The following ST18 variants were observed in gnomAD, a reference collection of about 807,000 sequenced individuals.
The protein encoded by ST18 is suppression of tumorigenicity 18 protein.
A neutral mutation model predicts 110.0 loss-of-function variants in ST18; 50 were observed. That is an observed-to-expected ratio of 0.45 (90% confidence interval 0.36 to 0.58). The LOEUF is 0.58. ST18 is among the 20% of genes least tolerant of loss of function. The pLI is 0.00. For synonymous variants in ST18, 461 were observed against 452.4 expected (o/e 1.02, Z -0.24); for missense variants, 1,306 against 1,280.1 (o/e 1.02, Z -0.31).
chr8:52,219,838 T>C (rs1442099513), intron 5 of ST18, among the ~76,000 whole-genome samples: 4 of 152,214 alleles, frequency 2.6e-5, no homozygotes, highest in African/African-American at 9.6e-5. Flanking sequence ...AGGTGAATGG[T>C]TGGTTTTGAT....
At chr8:52,233,642 A>G (rs555299515) in intron 2 of ST18, among the ~76,000 whole-genome samples, 1 of 152,166 alleles carries the variant, frequency 6.6e-6, no homozygotes, top group African/African-American at 2.4e-5. Context: ...CCCACGACCA[A>G]TGAGAGGTCC....
At chr8:52,324,281 G>A (rs1805278702) in intron 2 of ST18, among the ~76,000 whole-genome samples, 1 of 152,012 alleles carries the variant, frequency 6.6e-6, no homozygotes, top group Admixed American at 6.6e-5. Flanking sequence ...CTCACTAGCA[G>A]TCAATTACAG....
chr8:52,212,027 A>C (rs2082335689), intron 8 of ST18, 52 bp downstream of exon 8: 1 of 1,559,386 alleles, frequency 6.4e-7, no homozygotes, highest in African/African-American at 1.4e-5. Flanking sequence ...AAATCATTCG[A>C]ATAATCAAGG....
At chr8:52,182,067 A>T (rs753676932) in intron 8 of ST18, among the ~76,000 whole-genome samples, 1 of 152,150 alleles carries the variant, frequency 6.6e-6, no homozygotes, top group Non-Finnish European at 1.5e-5. Context: ...TAAAACTAAG[A>T]TCATTAAGCC....
At chr8:52,222,744 C>A (rs1160873132) in intron 3 of ST18, among the ~76,000 whole-genome samples, 1 of 151,988 alleles carries the variant, frequency 6.6e-6, no homozygotes, top group African/African-American at 2.4e-5. Context: ...AAGGAGATAC[C>A]TTTAAAAAAC....
At chr8:52,236,725 G>A (rs1011538180) in intron 2 of ST18, among the ~76,000 whole-genome samples, 10 of 152,224 alleles carry the variant, frequency 6.6e-5, no homozygotes, top group South Asian at 2.1e-4. Flanking sequence ...CAATGATAGC[G>A]TGGTCTCTTA....
At chr8:52,128,863 G>A (rs1490986918) in intron 22 of ST18, among the ~76,000 whole-genome samples, 1 of 152,116 alleles carries the variant, frequency 6.6e-6, no homozygotes, top group Non-Finnish European at 1.5e-5. Context: ...GTTTTGCAAA[G>A]TTTTAAAGGA....
chr8:52,143,463 G>A (rs866327938), intron 16 of ST18, among the ~76,000 whole-genome samples: 5 of 151,092 alleles, frequency 3.3e-5, no homozygotes, highest in African/African-American at 1.2e-4. Flanking sequence ...CCAGCCTGGC[G>A]ACAGAGCAAG....
intron 8 of ST18, among the ~76,000 whole-genome samples, chr8:52,186,136 A>G (rs187724221): frequency 6.6e-6 from 1 of 152,200 alleles, no homozygotes. Context: ...AAGAGAGAAG[A>G]AGCAAGCCAA....
rs76689619 is a variant in ST18, at chr8:52,328,105, C to T, written c.-465+81223G>A. On this transcript the variant is annotated intron_variant, in intron 2 of 25. Transcript: ENST00000689386. ...GCCTTAGCAGAGTGAGAGAATAGCC[C>T]CAGGAAAGAGAGCTATCTCTGAGTA... 3.9e-3 allele frequency among the ~76,000 whole-genome samples: 589 copies of T among 152,184 alleles called. 3 individuals carry two copies. The highest frequency in any genetic ancestry group is 0.014 in the African/African-American group (562 of 41,534).
chr8:52,140,719 T>C (rs767654665), intron 17 of ST18, among the ~76,000 whole-genome samples: 13 of 152,090 alleles, frequency 8.5e-5, no homozygotes, highest in South Asian at 2.1e-4. Flanking sequence ...CCTCATACCA[T>C]GGAGAAGTGC....
intron 2 of ST18, among the ~76,000 whole-genome samples, chr8:52,275,236 G>A (rs577761080): frequency 5.4e-4 from 82 of 152,212 alleles, no homozygotes; most frequent in African/African-American, 1.9e-3. Context: ...CAGAAATAGG[G>A]AAACTACGTG....
chr8:52,372,606 T>C (rs574462402), intron 2 of ST18, among the ~76,000 whole-genome samples: 41 of 152,328 alleles, frequency 2.7e-4, no homozygotes, highest in Admixed American at 2.5e-3. Flanking sequence ...TAGAGTGTAT[T>C]TTTACAGCAC....
At chr8:52,151,827 T>G (rs908323710) in intron 15 of ST18, among the ~76,000 whole-genome samples, 23 of 152,164 alleles carry the variant, frequency 1.5e-4, no homozygotes, top group African/African-American at 5.3e-4. Context: ...AACATTCACA[T>G]AAAATTCCAG....
Position 52,262,908 on chromosome 8 carries a change from G to T in ST18, c.-464-32831C>A, listed in dbSNP as rs188460022. Among the ~76,000 whole-genome samples the T allele has an allele frequency of 8.5e-5, 13 of 152,278 alleles. No individual in the cohort carries two copies. In the East Asian group the frequency reaches 2.3e-3, roughly 27 times the overall value. Reference sequence around the variant, plus strand: ...CATCATTTGCAAGGCATAAGTGACTGTCTCCCAGAAAACTCTTATCAAAAG... The same window carrying T: ...CATCATTTGCAAGGCATAAGTGACTTTCTCCCAGAAAACTCTTATCAAAAG... On this transcript the variant is annotated intron_variant, in intron 2 of 25. Coordinates refer to ENST00000689386, the MANE Select transcript of ST18 (RefSeq NM_001352837.2).
intron 2 of ST18, among the ~76,000 whole-genome samples, chr8:52,243,613 T>C (rs947402365): frequency 3.3e-5 from 5 of 152,100 alleles, no homozygotes; most frequent in African/African-American, 4.8e-5. Context: ...TTTGTAAAAA[T>C]AGGATACAAA....
intron 2 of ST18, among the ~76,000 whole-genome samples, chr8:52,337,793 C>T (rs974458741): frequency 6.6e-6 from 1 of 152,182 alleles, no homozygotes; most frequent in African/African-American, 2.4e-5. Context: ...GCCTCAGATG[C>T]AGTGGGTGTA....
chr8:52,361,202 G>A (rs1266806156), intron 2 of ST18, among the ~76,000 whole-genome samples: 2 of 152,132 alleles, frequency 1.3e-5, no homozygotes, highest in Non-Finnish European at 2.9e-5. Context: ...GAATCGATTA[G>A]CTTTGGCTAT....
Position 52,148,665 on chromosome 8 carries a change from A to AAAGG in ST18, c.2052+1063_2052+1066dup, listed in dbSNP as rs561196267. Among the ~76,000 whole-genome samples, 28 of 147,282 alleles carry AAAGG rather than the reference A, an allele frequency of 1.9e-4. No individual in the cohort carries two copies. The East Asian group carries it at 5.0e-3, about 26-fold the overall frequency. On this transcript the variant is annotated intron_variant, in intron 16 of 25. Coordinates refer to ENST00000689386, the MANE Select transcript of ST18 (RefSeq NM_001352837.2). ...AACTGTGCTGAAGGAAAGAAGGAAG[A>AAAGG]AAGGAAGGAAGGAAGGGAGAGAGGG...
Sources: allele counts gnomAD v4.1 joint callset (sites outside exome capture counted in the v4.1 genomes callset), GRCh38; gene constraint gnomAD v4.1.1; transcripts MANE v1.5; gene names NCBI Gene and HGNC (gene_info 2026-07-23, HGNC 2026-07-21).